Variants in STAT3 observed in about 807,000 individuals in gnomAD.
STAT3 encodes the protein DNA-binding protein APRF.
A neutral mutation model predicts 114.3 loss-of-function variants in STAT3; 7 were observed. The ratio of observed to expected loss-of-function variants is 0.06; its 90% CI spans 0.03 to 0.11. STAT3 has a LOEUF of 0.11. STAT3 is among the 10% of genes least tolerant of loss of function. The pLI is 1.00. For synonymous variants in STAT3, 331 were observed against 354.5 expected (o/e 0.93, Z 0.74); for missense variants, 364 against 960.9 (o/e 0.38, Z 8.21).
intron 10 of STAT3, among the ~76,000 whole-genome samples, chr17:42,332,986 G>A (rs1363036993): frequency 3.9e-5 from 6 of 152,146 alleles, no homozygotes; most frequent in Non-Finnish European, 8.8e-5. Flanking sequence ...GGGTGAGAGT[G>A]AGACCCTGTC....
chr17:42,343,362 T>C (rs868068995), intron 4 of STAT3, among the ~76,000 whole-genome samples: 4 of 151,972 alleles, frequency 2.6e-5, no homozygotes, highest in African/African-American at 9.7e-5. Context: ...ACTTTAATGA[T>C]TTAGTATATG....
At chr17:42,377,068 G>A (rs1435798453) in intron 1 of STAT3, among the ~76,000 whole-genome samples, 1 of 152,138 alleles carries the variant, frequency 6.6e-6, no homozygotes, top group African/African-American at 2.4e-5. Context: ...AAAAACAAAT[G>A]TCAGACAATG....
At chr17:42,363,571 G>A (rs1598482849) in intron 1 of STAT3, among the ~76,000 whole-genome samples, 1 of 151,346 alleles carries the variant, frequency 6.6e-6, no homozygotes, top group East Asian at 1.9e-4. Context: ...AGCCTCCTGA[G>A]TAACTGGGAT....
intron 3 of STAT3, among the ~76,000 whole-genome samples, chr17:42,345,918 G>C: frequency 6.9e-6 from 1 of 145,178 alleles, no homozygotes; most frequent in Non-Finnish European, 1.5e-5. Flanking sequence ...CTGTCCGCCA[G>C]GCTGGAGTGC....
chr17:42,338,481 G>GTCCTTAAT (rs1567722607), intron 6 of STAT3, among the ~76,000 whole-genome samples: 1 of 27,306 alleles, frequency 3.7e-5, no homozygotes, highest in Non-Finnish European at 7.7e-5. Flanking sequence ...GAATACTCCT[G>GTCCTTAAT]GACCTGAGGG....
chr17:42,374,677 T>C (rs2084357441), intron 1 of STAT3, among the ~76,000 whole-genome samples: 1 of 149,502 alleles, frequency 6.7e-6, no homozygotes, highest in African/African-American at 2.5e-5. Context: ...AGTCAATCAC[T>C]CAGCCAAAGA....
At chr17:42,354,020 G>C (rs1370517105) in intron 1 of STAT3, among the ~76,000 whole-genome samples, 1 of 152,024 alleles carries the variant, frequency 6.6e-6, no homozygotes, top group Non-Finnish European at 1.5e-5. Flanking sequence ...ATGAATATTT[G>C]CATTTTCAAA....
intron 1 of STAT3, among the ~76,000 whole-genome samples, chr17:42,378,352 T>C (rs555379295): frequency 8.5e-5 from 13 of 152,196 alleles, no homozygotes; most frequent in Non-Finnish European, 1.8e-4. Context: ...TTCAAGCGAT[T>C]CTCTTGCTTT....
chr17:42,351,129 C>CAAAAAAAAAAA (rs139529559), intron 1 of STAT3, among the ~76,000 whole-genome samples: 4 of 77,204 alleles, frequency 5.2e-5, no homozygotes, highest in Non-Finnish European at 8.6e-5. Context: ...GACTCCATCT[C>CAAAAAAAAAAA]AAAAAAAAAA....
At chr17:42,352,390 A>G (rs2083011830) in intron 1 of STAT3, among the ~76,000 whole-genome samples, 1 of 152,128 alleles carries the variant, frequency 6.6e-6, no homozygotes, top group South Asian at 2.1e-4. Flanking sequence ...CACCTGCCAC[A>G]GGACAAATGC....
chr17:42,358,339 T>C (rs1355457306), intron 1 of STAT3, among the ~76,000 whole-genome samples: 3 of 152,096 alleles, frequency 2.0e-5, no homozygotes, highest in Admixed American at 6.5e-5. Flanking sequence ...CTTGAGCAGA[T>C]TGAGACTGCA....
intron 15 of STAT3, among the ~76,000 whole-genome samples, chr17:42,325,700 G>C (rs912398911): frequency 1.3e-5 from 2 of 152,060 alleles, no homozygotes; most frequent in Non-Finnish European, 2.9e-5. Flanking sequence ...GAGTAGCTGG[G>C]ATTATAGGCG....
At chr17:42,374,496 G>C (rs1267913699) in intron 1 of STAT3, among the ~76,000 whole-genome samples, 3 of 151,556 alleles carry the variant, frequency 2.0e-5, no homozygotes, top group Non-Finnish European at 4.4e-5. Flanking sequence ...TGTAATCCCA[G>C]CTACTCGGGA....
In STAT3 at chr17:42,345,678, G is replaced by A. The variant is rs184095302; in HGVS notation, c.274-21C>T. 415 of 1,578,376 alleles carry A rather than the reference G, an allele frequency of 2.6e-4. 1 individual carries two copies. Among genetic ancestry groups the A allele is most frequent in the Non-Finnish European group, 3.4e-4 (390 of 1,158,512 alleles). Reference sequence around the variant, plus strand: ...CTGCTCTATAAGTAGGAGAGAAAGAGAATAAAAATCAGCAGCAGACCATGG... The same window carrying A: ...CTGCTCTATAAGTAGGAGAGAAAGAAAATAAAAATCAGCAGCAGACCATGG... On this transcript the variant is annotated intron_variant, in intron 3 of 23. Transcript: ENST00000264657.
chr17:42,342,437 C>T (rs921139486), intron 4 of STAT3, among the ~76,000 whole-genome samples: 11 of 151,620 alleles, frequency 7.3e-5, no homozygotes, highest in South Asian at 2.1e-4. Flanking sequence ...GGGCCGAAAT[C>T]GCGTCACTGC....
In STAT3 at chr17:42,331,543, G is replaced by GA. The variant is rs778575710; in HGVS notation, c.1050-13dup. 1.6e-5 allele frequency: 26 copies of GA among 1,612,052 alleles called. No homozygotes were observed. In the South Asian group the frequency reaches 2.1e-4, roughly 13 times the overall value. On this transcript the variant is annotated splice_polypyrimidine_tract_variant and intron_variant, in intron 10 of 23. Transcript: ENST00000264657. Reference sequence around the variant, plus strand: ...ATTTGACCAGCAACCTATTTAAAAAGAAAAAATCCAAGGAAAAAAAGTCAG... The same window carrying GA: ...ATTTGACCAGCAACCTATTTAAAAAGAAAAAAATCCAAGGAAAAAAAGTCAG...
intron 1 of STAT3, among the ~76,000 whole-genome samples, chr17:42,352,648 T>C (rs2083024747): frequency 7.0e-6 from 1 of 142,506 alleles, no homozygotes; most frequent in Admixed American, 7.1e-5. Context: ...TGAGACTCTG[T>C]CTCAAAAAAA....
At chr17:42,364,508 G>C (rs1225216097) in intron 1 of STAT3, among the ~76,000 whole-genome samples, 2 of 152,188 alleles carry the variant, frequency 1.3e-5, no homozygotes, top group African/African-American at 4.8e-5. Context: ...AACATCCACT[G>C]ATCTAAAATG....
intron 21 of STAT3, chr17:42,317,581 G>A (rs1275977874): frequency 1.9e-5 from 7 of 365,842 alleles, no homozygotes; most frequent in South Asian, 1.1e-4. Context: ...ATTCTATTCC[G>A]GCCTGGTCAT....
Sources: allele counts gnomAD v4.1 joint callset (sites outside exome capture counted in the v4.1 genomes callset), GRCh38; gene constraint gnomAD v4.1.1; transcripts MANE v1.5; gene names NCBI Gene and HGNC (gene_info 2026-07-23, HGNC 2026-07-21).